KCNJ1: variants seen among roughly 807,000 people sequenced by gnomAD.
KCNJ1 encodes the protein ATP-sensitive inward rectifier potassium channel 1.
Under a neutral mutation model 21.9 loss-of-function variants are expected in KCNJ1, and 24 were observed. That is an observed-to-expected ratio of 1.10 (90% CI 0.79 to 1.54). The LOEUF is 1.54. Among genes scored for constraint, KCNJ1 ranks in the 40% most tolerant of loss-of-function variants. The probability of loss-of-function intolerance (pLI) is 0.00; values close to 1 mark genes in which losing one functional copy is unlikely to be tolerated. For missense variants in KCNJ1, 457 were observed against 455.4 expected (o/e 1.00, Z -0.03); for synonymous variants, 152 against 160.9 (o/e 0.94, Z 0.42).
intron 2 of KCNJ1, among the ~76,000 whole-genome samples, chr11:128,849,926 A>G (rs968084368): frequency 1.1e-4 from 16 of 152,198 alleles, no homozygotes; most frequent in Non-Finnish European, 2.1e-4. Context: ...CCTGGTGGAT[A>G]AGGCAAACCT....
chr11:128,840,652 T>C (rs1363634044), intron 2 of KCNJ1, among the ~76,000 whole-genome samples: 2 of 152,368 alleles, frequency 1.3e-5, no homozygotes, highest in East Asian at 3.9e-4. Context: ...TTTAGCCTTA[T>C]GTTAAGCAAT....
intron 1 of KCNJ1, among the ~76,000 whole-genome samples, chr11:128,856,609 T>A (rs940003170): frequency 6.6e-6 from 1 of 152,228 alleles, no homozygotes. Context: ...TTTTCCTTCT[T>A]AGCACTGAAT....
rs1438466809 is a variant in KCNJ1, at chr11:128,840,191, C to T, written c.53G>A (p.Arg18Gln). 1.2e-5 allele frequency: 20 copies of T among 1,614,026 alleles called. No homozygotes were observed. Among genetic ancestry groups the T allele is most frequent in the South Asian group, 2.2e-5 (2 of 91,070 alleles). ...TTTGGAGACTAGCCTTGCTCTTTGC[C>T]GAGAATGCCCAAAAAAGCGAGTGAC... The part of the protein sequence containing the change: ...WVVTRFFGHS[R>Q]QRARLVSKDG... The change falls in exon 3 of 3, where the codon CGG becomes CAG. Residue 18 changes from arginine to glutamine, a missense_variant. Arg to Gln is a conservative substitution (Grantham distance 43). Transcript: ENST00000392666.
chr11:128,850,655 T>C, intron 2 of KCNJ1, 66 bp downstream of exon 2: 1 of 799,744 alleles, frequency 1.3e-6, no homozygotes, highest in Non-Finnish European at 1.5e-6. Flanking sequence ...CATAACCAAA[T>C]GCTTACCTAG....
intron 2 of KCNJ1, among the ~76,000 whole-genome samples, chr11:128,845,725 G>A (rs372368266): frequency 3.3e-5 from 5 of 152,302 alleles, no homozygotes; most frequent in African/African-American, 1.2e-4. Flanking sequence ...ATCTTTCCTG[G>A]CCTCATGGGC....
chr11:128,847,710 A>T (rs1943404909), intron 2 of KCNJ1, among the ~76,000 whole-genome samples: 1 of 152,184 alleles, frequency 6.6e-6, no homozygotes, highest in Non-Finnish European at 1.5e-5. Flanking sequence ...TGTCCCCACC[A>T]CTGGGAGCTA....
intron 1 of KCNJ1, among the ~76,000 whole-genome samples, chr11:128,862,928 G>C: frequency 6.6e-6 from 1 of 152,122 alleles, no homozygotes; most frequent in Admixed American, 6.5e-5. Context: ...GGACTCCAAG[G>C]GGCCACACAC....
At chr11:128,856,989 C>T (rs1943602376) in intron 1 of KCNJ1, among the ~76,000 whole-genome samples, 1 of 152,110 alleles carries the variant, frequency 6.6e-6, no homozygotes, top group South Asian at 2.1e-4. Context: ...TTCTCAGCTT[C>T]CCCCTGTTCT....
intron 1 of KCNJ1, among the ~76,000 whole-genome samples, chr11:128,852,187 G>A (rs1195420377): frequency 6.6e-6 from 1 of 152,202 alleles, no homozygotes; most frequent in African/African-American, 2.4e-5. Context: ...CATAGAACGT[G>A]ATCAAGCTGT....
At chr11:128,847,092 C>A (rs1025352396) in intron 2 of KCNJ1, among the ~76,000 whole-genome samples, 13 of 152,180 alleles carry the variant, frequency 8.5e-5, no homozygotes, top group Non-Finnish European at 2.9e-5. Context: ...TAAGAATTAT[C>A]AACATATTTG....
intron 1 of KCNJ1, among the ~76,000 whole-genome samples, chr11:128,857,387 C>T (rs568375600): frequency 2.0e-5 from 3 of 152,272 alleles, no homozygotes; most frequent in East Asian, 1.9e-4. Flanking sequence ...GTCGATCTCC[C>T]CTCTACAGAA....
intron 1 of KCNJ1, among the ~76,000 whole-genome samples, chr11:128,856,703 C>G (rs1031380623): frequency 1.3e-5 from 2 of 152,138 alleles, no homozygotes; most frequent in Non-Finnish European, 2.9e-5. Context: ...TCAAGCAAAA[C>G]CTTGATTCAC....
At chr11:128,844,964 A>G (rs1031678921) in intron 2 of KCNJ1, among the ~76,000 whole-genome samples, 2 of 152,248 alleles carry the variant, frequency 1.3e-5, no homozygotes, top group South Asian at 2.1e-4. Flanking sequence ...GAGGTAGGAA[A>G]TATGAGCTAT....
intron 1 of KCNJ1, among the ~76,000 whole-genome samples, chr11:128,860,937 A>G (rs1433885683): frequency 6.6e-6 from 1 of 152,154 alleles, no homozygotes; most frequent in Non-Finnish European, 1.5e-5. Context: ...AAAAACACAA[A>G]AACACTCTAT....
At chr11:128,856,104 G>A (rs995510362) in intron 1 of KCNJ1, among the ~76,000 whole-genome samples, 4 of 152,212 alleles carry the variant, frequency 2.6e-5, no homozygotes, top group Non-Finnish European at 5.9e-5. Context: ...CAGGCTCTGA[G>A]CTGCTTTCAA....
intron 1 of KCNJ1, among the ~76,000 whole-genome samples, chr11:128,858,361 A>C (rs1327815111): frequency 5.3e-5 from 8 of 152,182 alleles, no homozygotes. Context: ...AGGCAAGAAC[A>C]GTTAAATGTC....
chr11:128,847,341 T>C (rs896211103), intron 2 of KCNJ1, among the ~76,000 whole-genome samples: 3 of 152,142 alleles, frequency 2.0e-5, no homozygotes, highest in African/African-American at 7.2e-5. Flanking sequence ...CACTGACCAC[T>C]GAAGACCCTA....
chr11:128,845,702 G>T (rs1457019316), intron 2 of KCNJ1, among the ~76,000 whole-genome samples: 1 of 152,204 alleles, frequency 6.6e-6, no homozygotes, highest in African/African-American at 2.4e-5. Flanking sequence ...ACTTGGCAAG[G>T]CTGGTAGAAA....
intron 2 of KCNJ1, among the ~76,000 whole-genome samples, chr11:128,847,870 T>C (rs1411182988): frequency 6.6e-6 from 1 of 152,224 alleles, no homozygotes; most frequent in Non-Finnish European, 1.5e-5. Flanking sequence ...TTGTTTCTTA[T>C]TTGTTTATTT....
Sources: allele counts gnomAD v4.1 joint callset (sites outside exome capture counted in the v4.1 genomes callset), GRCh38; gene constraint gnomAD v4.1.1; transcripts MANE v1.5; gene names NCBI Gene and HGNC (gene_info 2026-07-23, HGNC 2026-07-21).